Variants in TPH2 observed in about 807,000 individuals in gnomAD.
TPH2 encodes tryptophan 5-hydroxylase 2.
Under a neutral mutation model 59.1 loss-of-function variants are expected in TPH2, and 27 were observed. The observed-to-expected ratio is 0.46, with a 90% CI of 0.34 to 0.63. The LOEUF (loss-of-function observed/expected upper bound fraction) is 0.63, where lower values mean the gene tolerates loss of function less well. Among genes scored for constraint, TPH2 ranks in the 30% least tolerant of loss-of-function variants. The probability of loss-of-function intolerance (pLI) is 0.01; values close to 1 mark genes in which losing one functional copy is unlikely to be tolerated. For missense variants in TPH2, 523 were observed against 588.3 expected (o/e 0.89, Z 1.15); for synonymous variants, 220 against 210.5 (o/e 1.05, Z -0.39).
chr12:71,956,647 T>C (rs1274005776), intron 5 of TPH2, among the ~76,000 whole-genome samples: 1 of 151,826 alleles, frequency 6.6e-6, no homozygotes, highest in Non-Finnish European at 1.5e-5. Flanking sequence ...TCTCACTCTG[T>C]TGCCTGAGCT....
At chr12:71,968,647 G>A (rs1472089130) in intron 5 of TPH2, among the ~76,000 whole-genome samples, 1 of 152,212 alleles carries the variant, frequency 6.6e-6, no homozygotes, top group African/African-American at 2.4e-5. Context: ...GCGCTCTCAG[G>A]GAGCAGCCTG....
At chr12:71,993,084 G>A (rs1320992497) in intron 7 of TPH2, among the ~76,000 whole-genome samples, 2 of 152,202 alleles carry the variant, frequency 1.3e-5, no homozygotes, top group Non-Finnish European at 2.9e-5. Flanking sequence ...ATTCTCAAGT[G>A]GCTGCCCTTT....
At chr12:71,952,216 G>A (rs1045665232) in intron 5 of TPH2, among the ~76,000 whole-genome samples, 6 of 152,084 alleles carry the variant, frequency 3.9e-5, no homozygotes, top group East Asian at 1.9e-4. Flanking sequence ...AAGAGTTTGC[G>A]TTTGCCACCT....
intron 8 of TPH2, among the ~76,000 whole-genome samples, chr12:71,998,170 T>G (rs1872737961): frequency 6.6e-6 from 1 of 152,172 alleles, no homozygotes; most frequent in African/African-American, 2.4e-5. Flanking sequence ...TGGTTTTGAC[T>G]GATTCACTCA....
intron 8 of TPH2, among the ~76,000 whole-genome samples, chr12:72,002,325 G>C (rs12314642): frequency 6.6e-6 from 1 of 152,082 alleles, no homozygotes; most frequent in Non-Finnish European, 1.5e-5. Flanking sequence ...GATGAGGGAG[G>C]GGGAGAGAGA....
intron 2 of TPH2, among the ~76,000 whole-genome samples, chr12:71,942,493 C>T (rs201186662): frequency 1.1e-4 from 16 of 152,114 alleles, no homozygotes; most frequent in African/African-American, 3.4e-4. Flanking sequence ...CCTAGCTCTG[C>T]GTGATGCCTT....
Position 71,982,015 on chromosome 12 carries a change from A to ATTTTTTTTTTTT in TPH2, c.941+2934_941+2945dup, listed in dbSNP as rs781612841. ...TTTTTGTGGGTTTCATATCATTCGTATTTTTTTTTTTTTTTTTAGACAGAG... is the reference window on the plus strand; with the variant it reads ...TTTTTGTGGGTTTCATATCATTCGTATTTTTTTTTTTTTTTTTTTTTTTTTTTTTAGACAGAG... On this transcript the variant is annotated intron_variant, in intron 7 of 10. Coordinates refer to ENST00000333850, the MANE Select transcript of TPH2 (RefSeq NM_173353.4). 8.8e-4 allele frequency among the ~76,000 whole-genome samples: 53 copies of ATTTTTTTTTTTT among 60,496 alleles called. 12 individuals carry two copies. The highest frequency in any genetic ancestry group is 1.5e-3 in the African/African-American group (25 of 16,384). 39.7% of individuals were successfully genotyped at this position (60,496 alleles called of 152,430 possible). A position where few individuals can be genotyped will look rare whatever the true frequency, so the allele number is the denominator to read the frequency against.
chr12:71,967,293 T>C (rs574698279), intron 5 of TPH2, among the ~76,000 whole-genome samples: 238 of 152,180 alleles, frequency 1.6e-3, no homozygotes, highest in African/African-American at 5.3e-3. Flanking sequence ...AAGAGTGGGG[T>C]TTAACCATAC....
chr12:71,940,840 T>A (rs1592856375), intron 1 of TPH2, among the ~76,000 whole-genome samples: 1 of 152,230 alleles, frequency 6.6e-6, no homozygotes, highest in South Asian at 2.1e-4. Context: ...GTTAATCTTT[T>A]TCAGTTTCTC....
chr12:71,978,514 T>C (rs889691271), intron 6 of TPH2, among the ~76,000 whole-genome samples: 1 of 152,206 alleles, frequency 6.6e-6, no homozygotes, highest in African/African-American at 2.4e-5. Flanking sequence ...CAGTATGAAC[T>C]GATTTGAAGA....
chr12:71,999,954 G>T (rs1403904999), intron 8 of TPH2, among the ~76,000 whole-genome samples: 1 of 152,204 alleles, frequency 6.6e-6, no homozygotes, highest in Non-Finnish European at 1.5e-5. Flanking sequence ...CCTAAGAAAA[G>T]ACAGCTATTA....
At chr12:72,005,338 G>A (rs1872925550) in intron 8 of TPH2, among the ~76,000 whole-genome samples, 1 of 152,128 alleles carries the variant, frequency 6.6e-6, no homozygotes, top group South Asian at 2.1e-4. Flanking sequence ...TACTGAGGGG[G>A]CTTTAAAGTC....
At chr12:72,024,430 G>A (rs2139247130) in intron 9 of TPH2, among the ~76,000 whole-genome samples, 1 of 152,324 alleles carries the variant, frequency 6.6e-6, no homozygotes, top group African/African-American at 2.4e-5. Context: ...ACCTGATGTA[G>A]TATGGTAATT....
chr12:71,994,306 T>A, intron 7 of TPH2, 133 bp from the exon 8 acceptor site: 4 of 923,886 alleles, frequency 4.3e-6, no homozygotes, highest in Non-Finnish European at 6.9e-6. Flanking sequence ...GATTAAGAAG[T>A]CCCAGCATTG....
chr12:71,955,994 G>C (rs2139189931), intron 5 of TPH2, among the ~76,000 whole-genome samples: 1 of 152,172 alleles, frequency 6.6e-6, no homozygotes, highest in East Asian at 1.9e-4. Flanking sequence ...TTCTAGATTA[G>C]GGTCTCTCAT....
intron 8 of TPH2, among the ~76,000 whole-genome samples, chr12:72,006,603 A>T (rs551109395): frequency 4.6e-5 from 7 of 152,262 alleles, no homozygotes; most frequent in African/African-American, 1.4e-4. Context: ...GAGGGTGATC[A>T]GATGTCAAGG....
At chr12:71,979,909 G>C (rs980624641) in intron 7 of TPH2, among the ~76,000 whole-genome samples, 6 of 152,212 alleles carry the variant, frequency 3.9e-5, no homozygotes, top group Non-Finnish European at 7.3e-5. Context: ...GAATGAGACA[G>C]CATTCCTGCC....
intron 6 of TPH2, among the ~76,000 whole-genome samples, chr12:71,973,480 A>G (rs186111114): frequency 6.6e-6 from 1 of 152,316 alleles, no homozygotes; most frequent in Non-Finnish European, 1.5e-5. Flanking sequence ...ATGTCGGGAA[A>G]TTACCCTATA....
At chr12:71,941,939 C>A (rs1041288978) in intron 2 of TPH2, among the ~76,000 whole-genome samples, 61 of 152,266 alleles carry the variant, frequency 4.0e-4, no homozygotes, top group African/African-American at 1.4e-3. Flanking sequence ...CTTATTAATG[C>A]AGAGTTAGCT....
Sources: gnomAD v4.1 joint callset for allele counts (sites outside exome capture counted in the v4.1 genomes callset) on GRCh38, gnomAD v4.1.1 for gene constraint, MANE v1.5 for transcripts, NCBI Gene and HGNC (gene_info 2026-07-23, HGNC 2026-07-21) for gene names.